The following AMD1 variants were observed in gnomAD, a reference collection of about 807,000 sequenced individuals.
AMD1 encodes adenosylmethionine decarboxylase 1.
A neutral mutation model predicts 40.2 loss-of-function variants in AMD1; 11 were observed. The ratio of observed to expected loss-of-function variants is 0.27; its 90% CI spans 0.17 to 0.45. AMD1 has a LOEUF of 0.45. AMD1 is among the 20% of genes least tolerant of loss of function. The pLI, the probability that AMD1 is intolerant of heterozygous loss-of-function variation, is 1.00. For synonymous variants in AMD1, 121 were observed against 130.8 expected, an observed-to-expected ratio of 0.93 and a Z score of 0.51; for missense variants, 257 against 410.2, an observed-to-expected ratio of 0.63 and a Z score of 3.23.
intron 1 of AMD1, among the ~76,000 whole-genome samples, chr6:110,880,906 A>C (rs1785375423): frequency 6.6e-6 from 1 of 152,276 alleles, no homozygotes; most frequent in African/African-American, 2.4e-5. Flanking sequence ...TCCTGACCTC[A>C]AGTGATCCGC....
the AMD1 span, among the ~76,000 whole-genome samples, chr6:110,847,063 G>GTGTGTGTGGTGTGT: frequency 7.0e-6 from 1 of 143,180 alleles, no homozygotes; most frequent in East Asian, 2.2e-4. Flanking sequence ...GTGTGTGTGT[G>GTGTGTGTGGTGTGT]GTGTGTGTGT....
chr6:110,858,694 G>A, the AMD1 span: 24 of 887,848 alleles, frequency 2.7e-5, no homozygotes, highest in Admixed American at 2.2e-4. Flanking sequence ...AGCAGGAGCC[G>A]AACTTCGACG....
chr6:110,829,377 A>G, the AMD1 span, among the ~76,000 whole-genome samples: 2 of 151,396 alleles, frequency 1.3e-5, no homozygotes, highest in Non-Finnish European at 2.9e-5. Flanking sequence ...ACCAAAAAAA[A>G]AAAAAAATTA....
At chr6:110,844,745 C>T in the AMD1 span, among the ~76,000 whole-genome samples, 1 of 150,994 alleles carries the variant, frequency 6.6e-6, no homozygotes, top group Non-Finnish European at 1.5e-5. Flanking sequence ...CACACCATTG[C>T]ACTCCACCCT....
the AMD1 span, among the ~76,000 whole-genome samples, chr6:110,852,180 T>A: frequency 2.1e-5 from 3 of 139,558 alleles, no homozygotes; most frequent in African/African-American, 7.9e-5. Flanking sequence ...ACTATAGGCA[T>A]GCACCTCCAC....
rs1390804273 is a variant in AMD1 at position 110,894,996 on chromosome 6, G to A, written c.*1380G>A. On this transcript the variant is annotated 3_prime_UTR_variant, in exon 9 of 9. Coordinates refer to ENST00000368885, the MANE Select transcript of AMD1 (RefSeq NM_001634.6). ...AATAAAATTCCAAAATACTCAATGGGAAATGACTAGTAATATAGGCTTTCA... is the reference window on the plus strand; with the variant it reads ...AATAAAATTCCAAAATACTCAATGGAAAATGACTAGTAATATAGGCTTTCA... 1.3e-5 allele frequency: 2 copies of A among 152,130 alleles called. No homozygotes were observed. The highest frequency in any genetic ancestry group is 4.8e-5 in the African/African-American group (2 of 41,436). The allele number at this position is 152,130 out of a possible 1,614,324, so 9.4% of individuals were successfully genotyped here.
Position 110,874,999 on chromosome 6 carries a change from T to G in AMD1, c.-107T>G. 1.3e-6 allele frequency: 1 copy of G among 772,668 alleles called. No individual in the cohort carries two copies. The highest frequency in any genetic ancestry group is 2.1e-6 in the Non-Finnish European group (1 of 481,514). The allele number at this position is 772,668 out of a possible 1,614,324, so 47.9% of individuals were successfully genotyped here. A position where few individuals can be genotyped will look rare whatever the true frequency, so the allele number is the denominator to read the frequency against. On this transcript the variant is annotated 5_prime_UTR_variant, in exon 1 of 9. Transcript: ENST00000368885. ...GCAAAAAAAAAAAGGAACCTGAACT[T>G]TAGTAACACAGCTGGAACAATCCGC...
At chr6:110,822,124 G>C in the AMD1 span, among the ~76,000 whole-genome samples, 16 of 152,132 alleles carry the variant, frequency 1.1e-4, no homozygotes, top group East Asian at 1.9e-4. Context: ...TGTAATCCCA[G>C]CACTTTGGGA....
chr6:110,865,586 G>T, the AMD1 span, among the ~76,000 whole-genome samples: 1 of 151,762 alleles, frequency 6.6e-6, no homozygotes, highest in African/African-American at 2.4e-5. Context: ...GCAGACACAG[G>T]GTTTCACCAT....
intron 2 of AMD1, chr6:110,888,316 C>T (rs1294776440): frequency 2.0e-5 from 3 of 152,200 alleles, no homozygotes; most frequent in Non-Finnish European, 4.4e-5. Flanking sequence ...ACAGCCCCTC[C>T]CCCCCTTTTT....
At chr6:110,840,242 A>AT in the AMD1 span, among the ~76,000 whole-genome samples, 1 of 151,866 alleles carries the variant, frequency 6.6e-6, no homozygotes. Context: ...TTTCTTGGCA[A>AT]TTTTATTTTA....
chr6:110,864,985 A>G, the AMD1 span, among the ~76,000 whole-genome samples: 1 of 152,260 alleles, frequency 6.6e-6, no homozygotes, highest in Non-Finnish European at 1.5e-5. Flanking sequence ...CTCTATGTCT[A>G]CAAAACAAAA....
chr6:110,841,990 A>G, the AMD1 span, among the ~76,000 whole-genome samples: 1 of 151,956 alleles, frequency 6.6e-6, no homozygotes, highest in East Asian at 1.9e-4. Flanking sequence ...TGTAGTAGAG[A>G]TGGGTTTTCA....
At chr6:110,818,020 T>C in the AMD1 span, among the ~76,000 whole-genome samples, 2 of 152,158 alleles carry the variant, frequency 1.3e-5, no homozygotes, top group Admixed American at 6.6e-5. Flanking sequence ...GCAACTAGTT[T>C]GAATATTACA....
At chr6:110,890,164 A>G in intron 3 of AMD1, 90 bp from the exon 4 acceptor site, 1 of 958,682 alleles carries the variant, frequency 1.0e-6, no homozygotes, top group Non-Finnish European at 1.5e-6. Flanking sequence ...AGTTTTTGAT[A>G]TGTGGACAAT....
At chr6:110,814,854 G>A in the AMD1 span, 1 of 962,868 alleles carries the variant, frequency 1.0e-6, no homozygotes, top group Non-Finnish European at 1.6e-6. Context: ...GGGCGGAACG[G>A]GCGCCCCTCG....
chr6:110,875,963 C>A (rs1785084970), intron 1 of AMD1, among the ~76,000 whole-genome samples: 1 of 152,146 alleles, frequency 6.6e-6, no homozygotes, highest in Admixed American at 6.5e-5. Flanking sequence ...GGCTGCTCCC[C>A]AATCTCTTGA....
At chr6:110,851,443 TTTG>T in the AMD1 span, among the ~76,000 whole-genome samples, 546 of 151,402 alleles carry the variant, frequency 3.6e-3, 8 homozygotes, top group African/African-American at 0.012. Context: ...TTTGTTTGTT[TTTG>T]TTGTTGTTTT....
chr6:110,886,620 G>A (rs1326397932), intron 1 of AMD1, among the ~76,000 whole-genome samples: 1 of 152,094 alleles, frequency 6.6e-6, no homozygotes, highest in Non-Finnish European at 1.5e-5. Flanking sequence ...AATATTTCTG[G>A]CAAACAGCTG....
Sources: gnomAD v4.1 joint callset for allele counts (sites outside exome capture counted in the v4.1 genomes callset) on GRCh38, gnomAD v4.1.1 for gene constraint, MANE v1.5 for transcripts, NCBI Gene and HGNC (gene_info 2026-07-23, HGNC 2026-07-21) for gene names.